GTPBP4: variants seen among roughly 807,000 people sequenced by gnomAD.
The protein encoded by GTPBP4 is GTP-binding protein 4.
GTPBP4 carries 15 observed loss-of-function variants against 81.7 expected under a neutral mutation model. The observed-to-expected ratio is 0.18, with a 90% CI of 0.12 to 0.28. The LOEUF (loss-of-function observed/expected upper bound fraction) is 0.28, where lower values mean the gene tolerates loss of function less well. Among genes scored for constraint, GTPBP4 ranks in the 10% least tolerant of loss-of-function variants. GTPBP4 has a pLI of 1.00. For synonymous variants in GTPBP4, 272 were observed against 274.6 expected, an observed-to-expected ratio of 0.99 and a Z score of 0.09; for missense variants, 847 against 793.8, an observed-to-expected ratio of 1.07 and a Z score of -0.81.
intron 6 of GTPBP4, among the ~76,000 whole-genome samples, chr10:999,859 T>C (rs1195957473): frequency 2.0e-5 from 3 of 152,160 alleles, no homozygotes; most frequent in African/African-American, 4.8e-5. Context: ...CTTGGAAGGC[T>C]GAGGCTGGAG....
chr10:1,008,895 G>C, intron 10 of GTPBP4, 63 bp from the exon 11 acceptor site: 1 of 1,238,836 alleles, frequency 8.1e-7, no homozygotes, highest in African/African-American at 1.5e-5. Flanking sequence ...CTACTTTTTC[G>C]GCTTTGTAAG....
chr10:1,002,117 T>C (rs896808598), intron 8 of GTPBP4, among the ~76,000 whole-genome samples: 6 of 152,084 alleles, frequency 3.9e-5, no homozygotes, highest in African/African-American at 1.2e-4. Context: ...TAGAGAGGGT[T>C]TTACCATACC....
rs1832006947 is a variant in GTPBP4 at position 1,017,102 on chromosome 10, A to G, written c.1780A>G (p.Lys594Glu). The G allele has an allele frequency of 6.2e-7, 1 of 1,613,760 alleles. No individual in the cohort carries two copies. The highest frequency in any genetic ancestry group is 1.3e-5 in the African/African-American group (1 of 74,918). ...KMVKKAKTMM[K>E]NAQKKMNRLG... is the part of the protein sequence containing the mutation. ...GGTGAAGAAAGCCAAGACTATGATG[A>G]AGAATGCTCAGAAGAAGATGAATCG... Residue 594 changes from lysine to glutamate, a missense_variant, in exon 17 of 17, where the codon AAG becomes GAG. By Grantham distance (56) the Lys-to-Glu change is moderately conservative. This residue lies in a region of GTPBP4 where 600 missense variants were observed against 557.1 expected (regional missense o/e 1.08). Transcript: ENST00000360803.
At chr10:993,037 C>T (rs1000510781) in intron 2 of GTPBP4, among the ~76,000 whole-genome samples, 5 of 152,046 alleles carry the variant, frequency 3.3e-5, no homozygotes, top group African/African-American at 1.2e-4. Flanking sequence ...ACCTTCTTTC[C>T]AAGGGTTTTT....
At chr10:1,005,480 C>G (rs2387213) in intron 8 of GTPBP4, among the ~76,000 whole-genome samples, 2 of 151,958 alleles carry the variant, frequency 1.3e-5, no homozygotes, top group Non-Finnish European at 2.9e-5. Flanking sequence ...CATCGTCTTG[C>G]GTTTTTCTGC....
chr10:998,696 G>C (rs1258620174), intron 5 of GTPBP4, among the ~76,000 whole-genome samples: 1 of 152,244 alleles, frequency 6.6e-6, no homozygotes, highest in East Asian at 1.9e-4. Flanking sequence ...GGTTTGGACA[G>C]TGCAGACAGA....
chr10:999,697 G>A (rs927016278), intron 6 of GTPBP4, among the ~76,000 whole-genome samples: 1 of 152,144 alleles, frequency 6.6e-6, no homozygotes, highest in Non-Finnish European at 1.5e-5. Flanking sequence ...AGTGATTCAC[G>A]CCTGTAATCC....
intron 1 of GTPBP4, among the ~76,000 whole-genome samples, chr10:990,345 T>A (rs12777801): frequency 0.12 from 18,619 of 151,816 alleles, 1,525 homozygotes; most frequent in Non-Finnish European, 0.19. Flanking sequence ...AGATGTTGAG[T>A]GAGTGCCTGT....
intron 1 of GTPBP4, 166 bp downstream of exon 1, chr10:988,693 C>A: frequency 1.6e-6 from 1 of 616,106 alleles, no homozygotes; most frequent in Non-Finnish European, 2.9e-6. Flanking sequence ...TTCCCCTCCC[C>A]CAGCAGAATC....
In GTPBP4 at chr10:1,003,745, G is replaced by A. The variant is rs145640591; in HGVS notation, c.913-2073G>A. Among the ~76,000 whole-genome samples the A allele has an allele frequency of 7.5e-3, 1,148 of 152,288 alleles. 19 individuals are homozygous for A. The highest frequency in any genetic ancestry group is 0.026 in the African/African-American group (1,088 of 41,560). On this transcript the variant is annotated intron_variant, in intron 8 of 16. Transcript: ENST00000360803. ...GGTGGTGTATGTTTTTAAGGTCCTT[G>A]GTGTCAGGGGCTTTTGGGGTCCTGC...
At chr10:991,689 CTTTTTTTTTT>C (rs778451253) in intron 1 of GTPBP4, among the ~76,000 whole-genome samples, 26 of 74,818 alleles carry the variant, frequency 3.5e-4, no homozygotes, top group Non-Finnish European at 4.3e-4. Context: ...TAAAATTTAT[CTTTTTTTTTT>C]TTTTTTTTTT....
At position 1,010,453 on chromosome 10, in the gene GTPBP4, A is replaced by G. The variant is rs1286627256; in HGVS notation, c.1277A>G (p.His426Arg). The G allele has an allele frequency of 1.3e-6, 2 of 1,580,856 alleles. No homozygotes were observed. The highest frequency in any genetic ancestry group is 1.7e-6 in the Non-Finnish European group (2 of 1,149,742). Residue 426 changes from histidine (H) to arginine (R), a missense_variant, in exon 13 of 17, where the codon CAT becomes CGT. His to Arg is a conservative substitution (Grantham distance 29). Coordinates refer to ENST00000360803, the MANE Select transcript of GTPBP4 (RefSeq NM_012341.3). ...YWDLMNLSEKHDKIPEIWEGH... is the reference protein window; with the variant it reads ...YWDLMNLSEKRDKIPEIWEGH... ...GATTTAATGAATTTGTCTGAAAAAC[A>G]TGATAAGATACCAGAAATCTGGGAA...
In GTPBP4 at chr10:1,008,944, T is replaced by C; in HGVS notation, c.1114-14T>C. 1 of 1,590,096 alleles carries C rather than the reference T, an allele frequency of 6.3e-7. No homozygotes were observed. The highest frequency in any genetic ancestry group is 8.6e-7 in the Non-Finnish European group (1 of 1,158,086). ...AGGCATTTCACATAAATATTTTATA[T>C]GGGATCTTCTCAGGAGAGGCCCCCT... is the stretch of plus-strand genomic sequence containing the variant. On this transcript the variant is annotated splice_polypyrimidine_tract_variant and intron_variant, in intron 10 of 16. Coordinates refer to ENST00000360803, the MANE Select transcript of GTPBP4 (RefSeq NM_012341.3).
intron 15 of GTPBP4, 125 bp downstream of exon 15, chr10:1,014,437 A>G: frequency 1.5e-6 from 1 of 654,078 alleles, no homozygotes; most frequent in Non-Finnish European, 2.8e-6. Flanking sequence ...CGGGCAGATC[A>G]TGATGTCAGG....
rs368183005 is a variant in GTPBP4 at position 998,961 on chromosome 10, CA to C, written c.562-41del. ...AAAACACACAGATCCCACGTGTACA[CA>C]GAGGAAATGAGGTGATTCTGAAAGT... On this transcript the variant is annotated intron_variant, in intron 5 of 16. Transcript: ENST00000360803. 1.3e-3 allele frequency: 1,355 copies of C among 1,059,894 alleles called. 16 individuals carry two copies. The African/African-American group carries it at 0.019, about 15-fold the overall frequency. The allele number at this position is 1,059,894 out of a possible 1,614,324, so 65.7% of individuals were successfully genotyped here. A position where few individuals can be genotyped will look rare whatever the true frequency, so the allele number is the denominator to read the frequency against.
At position 1,007,122 on chromosome 10, in the gene GTPBP4, C is replaced by T. The variant is rs568547087; in HGVS notation, c.1107C>T (p.Asp369=). 49 of 1,566,328 alleles carry T rather than the reference C, an allele frequency of 3.1e-5. No homozygotes were observed. The highest frequency in any genetic ancestry group is 2.0e-4 in the Admixed American group (12 of 59,942). Residue 369 remains aspartate, a synonymous_variant, in exon 10 of 17, where the codon GAC becomes GAT. Coordinates refer to ENST00000360803, the MANE Select transcript of GTPBP4 (RefSeq NM_012341.3). ...RLHLAIPTRR[D]DKERPPFIPE... ...ACCTGGCTATCCCAACCAGGAGGGA[C>T]GATAAGGTAAGACGGCCCCTGGGAC...
In GTPBP4 at chr10:1,009,019, A is replaced by G. The variant is rs746245285; in HGVS notation, c.1175A>G (p.Glu392Gly). The change falls in exon 11 of 17, where the codon GAG becomes GGG. Residue 392 changes from glutamate (E) to glycine (G), a missense_variant. Glu to Gly is a moderately conservative substitution (Grantham distance 98). This residue lies in a region of GTPBP4 where 600 missense variants were observed against 557.1 expected (regional missense o/e 1.08). Coordinates refer to ENST00000360803, the MANE Select transcript of GTPBP4 (RefSeq NM_012341.3). ...CGCAGGAAGAGGATGGAAACTGAGGAGTCCAGGAAGAAGAGGGTATGCTGC... is the reference window on the plus strand; with the variant it reads ...CGCAGGAAGAGGATGGAAACTGAGGGGTCCAGGAAGAAGAGGGTATGCTGC... ...VARRKRMETE[E>G]SRKKRERDLE... The G allele has an allele frequency of 1.2e-5, 19 of 1,611,316 alleles. No homozygotes were observed. The highest frequency in any genetic ancestry group is 1.5e-5 in the Non-Finnish European group (18 of 1,177,452).
chr10:1,009,370 A>G (rs1000206510), intron 11 of GTPBP4, among the ~76,000 whole-genome samples, 159 bp from the exon 12 acceptor site: 1 of 152,242 alleles, frequency 6.6e-6, no homozygotes, highest in African/African-American at 2.4e-5. Flanking sequence ...GGCCCCGCAG[A>G]CAGGGAGATA....
In GTPBP4 at chr10:990,450, C is replaced by T. The variant is rs1448726577; in HGVS notation, c.48+1923C>T. Reference sequence around the variant, plus strand: ...AAGAGAGGTAAGTCGAGGCCGGGTGCGGTGGCTCTCGCCTGTAATCCCAGC... The same window carrying T: ...AAGAGAGGTAAGTCGAGGCCGGGTGTGGTGGCTCTCGCCTGTAATCCCAGC... On this transcript the variant is annotated intron_variant, in intron 1 of 16. Transcript: ENST00000360803. Among the ~76,000 whole-genome samples, 4 of 152,058 alleles carry T rather than the reference C, an allele frequency of 2.6e-5. No individual in the cohort carries two copies. The East Asian group carries it at 5.8e-4, about 22-fold the overall frequency.
Sources: allele counts gnomAD v4.1 joint callset (sites outside exome capture counted in the v4.1 genomes callset), GRCh38; gene constraint gnomAD v4.1.1; regional missense constraint gnomAD v4.1.1; transcripts MANE v1.5; gene names NCBI Gene and HGNC (gene_info 2026-07-23, HGNC 2026-07-21).